CCNY: variants seen among roughly 807,000 people sequenced by gnomAD.
The protein encoded by CCNY is cyclin-Y.
In CCNY, 19 loss-of-function variants were observed where a neutral mutation model predicts 42.8. The observed-to-expected ratio is 0.44, with a 90% CI of 0.31 to 0.65. The LOEUF is 0.65. Ranked by LOEUF, CCNY falls within the 30% of genes least tolerant of loss-of-function variation. The pLI is 0.07. For synonymous variants in CCNY, 165 were observed against 162.7 expected, an observed-to-expected ratio of 1.01 and a Z score of -0.11; for missense variants, 370 against 437.3, an observed-to-expected ratio of 0.85 and a Z score of 1.37.
chr10:35,425,619 C>T (rs182563170), intron 1 of CCNY, among the ~76,000 whole-genome samples: 79 of 152,172 alleles, frequency 5.2e-4, no homozygotes, highest in African/African-American at 1.9e-3. Context: ...TAAGAATGCA[C>T]CAATGTTTGT....
intron 3 of CCNY, among the ~76,000 whole-genome samples, chr10:35,505,388 G>T (rs1840195394): frequency 6.6e-6 from 1 of 151,564 alleles, no homozygotes. Flanking sequence ...TGGGAATTCT[G>T]TGTAGTGTGA....
At chr10:35,283,034 A>G in intron 3 of CCNY, among the ~76,000 whole-genome samples, 1 of 152,326 alleles carries the variant, frequency 6.6e-6, no homozygotes. Context: ...TCACCACCCC[A>G]CTGGGATCAT....
intron 1 of CCNY, among the ~76,000 whole-genome samples, chr10:35,461,192 C>T (rs563168542): frequency 6.6e-5 from 10 of 152,252 alleles, no homozygotes; most frequent in African/African-American, 2.4e-4. Flanking sequence ...AAAATTATTC[C>T]ATGAGTCTTG....
chr10:35,294,647 C>A (rs1488568272), intron 3 of CCNY, among the ~76,000 whole-genome samples: 1 of 152,148 alleles, frequency 6.6e-6, no homozygotes, highest in African/African-American at 2.4e-5. Context: ...TTATATGTGG[C>A]TGGTTTCACT....
At chr10:35,503,788 C>T (rs1304306324) in intron 3 of CCNY, among the ~76,000 whole-genome samples, 1 of 152,166 alleles carries the variant, frequency 6.6e-6, no homozygotes, top group Non-Finnish European at 1.5e-5. Context: ...GACAGTGGAG[C>T]CCGGGTTGAG....
intron 3 of CCNY, among the ~76,000 whole-genome samples, chr10:35,514,527 C>T (rs551804263): frequency 6.6e-6 from 1 of 152,164 alleles, no homozygotes; most frequent in Non-Finnish European, 1.5e-5. Context: ...TGTCAACTCA[C>T]AAAGGTTACT....
intron 1 of CCNY, among the ~76,000 whole-genome samples, chr10:35,338,917 C>A (rs1471741371): frequency 5.3e-5 from 8 of 152,190 alleles, no homozygotes; most frequent in African/African-American, 1.9e-4. Flanking sequence ...GGCACTAAGG[C>A]TCAGTACAAT....
chr10:35,259,354 C>T (rs1423245748), intron 3 of CCNY, among the ~76,000 whole-genome samples: 1 of 152,070 alleles, frequency 6.6e-6, no homozygotes, highest in Non-Finnish European at 1.5e-5. Flanking sequence ...GCTAGGAGTG[C>T]ACCACCATGC....
chr10:35,277,618 T>C (rs942052961), intron 3 of CCNY, among the ~76,000 whole-genome samples: 1 of 152,222 alleles, frequency 6.6e-6, no homozygotes, highest in Non-Finnish European at 1.5e-5. Context: ...TATGAATCCA[T>C]GGTGCTTAGC....
At chr10:35,317,655 G>A (rs978889419) in intron 3 of CCNY, among the ~76,000 whole-genome samples, 3 of 152,220 alleles carry the variant, frequency 2.0e-5, no homozygotes, top group East Asian at 1.9e-4. Context: ...ATTTCCTTGA[G>A]AGACATTTCA....
At chr10:35,367,081 A>G (rs1008402772) in intron 1 of CCNY, among the ~76,000 whole-genome samples, 2 of 152,200 alleles carry the variant, frequency 1.3e-5, no homozygotes, top group African/African-American at 4.8e-5. Context: ...TGATGTTACC[A>G]TGCTGATTCC....
intron 1 of CCNY, among the ~76,000 whole-genome samples, chr10:35,448,280 C>T (rs892421827): frequency 2.6e-5 from 4 of 152,012 alleles, no homozygotes; most frequent in East Asian, 1.9e-4. Context: ...CAAAGCAGAC[C>T]GGAGAGAAAA....
intron 1 of CCNY, among the ~76,000 whole-genome samples, chr10:35,411,599 C>G (rs1280643637): frequency 6.7e-6 from 1 of 150,144 alleles, no homozygotes; most frequent in East Asian, 2.0e-4. Flanking sequence ...AATACAATAC[C>G]TTCTGGGATA....
At chr10:35,370,969 C>T (rs182879582) in intron 1 of CCNY, among the ~76,000 whole-genome samples, 4 of 152,168 alleles carry the variant, frequency 2.6e-5, no homozygotes, top group Non-Finnish European at 5.9e-5. Context: ...TCCGCCTCGG[C>T]CTCTCAAAGT....
chr10:35,276,840 G>A (rs962185274), intron 3 of CCNY, among the ~76,000 whole-genome samples: 1 of 152,236 alleles, frequency 6.6e-6, no homozygotes, highest in Non-Finnish European at 1.5e-5. Context: ...GTCAGCTTGT[G>A]GGTGTTCTGC....
chr10:35,264,641 C>T (rs776873076), intron 3 of CCNY, among the ~76,000 whole-genome samples: 1 of 151,860 alleles, frequency 6.6e-6, no homozygotes, highest in Non-Finnish European at 1.5e-5. Context: ...AGGTCCTTTG[C>T]CCAGTTTTTT....
Position 35,307,776 on chromosome 10 carries a change from G to A in CCNY, c.-9+57150G>A, listed in dbSNP as rs923578311. On this transcript the variant is annotated intron_variant, in intron 3 of 11. Coordinates refer to the CCNY transcript ENST00000374706. ...TGTGTATATATGTGTGTGTGTGTGT[G>A]TGTGTGTGTGTGTGTGTGTGTGTGT... Among the ~76,000 whole-genome samples, 316 of 76,108 alleles carry A rather than the reference G, an allele frequency of 4.2e-3. 4 individuals carry two copies. The highest frequency in any genetic ancestry group is 0.017 in the African/African-American group (254 of 15,128). The allele number at this position is 76,108 out of a possible 152,430, so 49.9% of individuals were successfully genotyped here.
intron 3 of CCNY, among the ~76,000 whole-genome samples, chr10:35,322,477 A>G (rs1221276238): frequency 6.6e-6 from 1 of 152,206 alleles, no homozygotes; most frequent in African/African-American, 2.4e-5. Flanking sequence ...ACAAAAAAAG[A>G]CAAGAGCTAT....
intron 3 of CCNY, among the ~76,000 whole-genome samples, chr10:35,253,097 C>G (rs2095713084): frequency 6.6e-6 from 1 of 152,188 alleles, no homozygotes; most frequent in South Asian, 2.1e-4. Context: ...ATGAAGTTCA[C>G]TGCTGACACT....
Sources: allele counts gnomAD v4.1 joint callset (sites outside exome capture counted in the v4.1 genomes callset), GRCh38; gene constraint gnomAD v4.1.1; transcripts MANE v1.5; gene names NCBI Gene and HGNC (gene_info 2026-07-23, HGNC 2026-07-21).